DCUN1D4: variants seen among roughly 807,000 people sequenced by gnomAD.
The protein encoded by DCUN1D4 is DCN1-like protein 4.
In DCUN1D4, 22 loss-of-function variants were observed where a neutral mutation model predicts 47.9. The observed-to-expected ratio is 0.46, with a 90% CI of 0.33 to 0.66. The LOEUF is 0.66. Among genes scored for constraint, DCUN1D4 ranks in the 30% least tolerant of loss-of-function variants. The pLI, the probability that DCUN1D4 is intolerant of heterozygous loss-of-function variation, is 0.02. For synonymous variants in DCUN1D4, 121 were observed against 112.2 expected, an observed-to-expected ratio of 1.08 and a Z score of -0.50; for missense variants, 301 against 340.8, an observed-to-expected ratio of 0.88 and a Z score of 0.92.
chr4:51,852,403 G>A (rs1723506059), intron 1 of DCUN1D4, among the ~76,000 whole-genome samples: 1 of 152,124 alleles, frequency 6.6e-6, no homozygotes, highest in African/African-American at 2.4e-5. Context: ...TAACATTTTT[G>A]AAATTATTTT....
chr4:51,872,894 G>A (rs866644125), intron 3 of DCUN1D4, among the ~76,000 whole-genome samples: 2 of 152,242 alleles, frequency 1.3e-5, no homozygotes, highest in Non-Finnish European at 2.9e-5. Context: ...GCCTCCTTCC[G>A]TGATGCTGCT....
At chr4:51,843,684 C>G (rs1235994853) in intron 1 of DCUN1D4, 1 of 1,240,212 alleles carries the variant, frequency 8.1e-7, no homozygotes, top group East Asian at 3.2e-5. Flanking sequence ...GCGAGCGGGG[C>G]ACAAGGGTGA....
At chr4:51,857,686 A>G (rs1724359478) in intron 1 of DCUN1D4, among the ~76,000 whole-genome samples, 1 of 152,198 alleles carries the variant, frequency 6.6e-6, no homozygotes, top group South Asian at 2.1e-4. Context: ...TGTTTGAGGT[A>G]CAGATCCTTA....
At position 51,911,126 on chromosome 4, in the gene DCUN1D4, A is replaced by G. The variant is rs768780967; in HGVS notation, c.672A>G (p.Leu224=). 9 of 1,612,592 alleles carry G rather than the reference A, an allele frequency of 5.6e-6. No individual in the cohort carries two copies. In the East Asian group the frequency reaches 8.9e-5, roughly 16 times the overall value. ...CTGCCAAGTGCATGTTGGGACTGTT[A>G]TTAGGAAAAATCTGGCCCCTTTTTC... ...INTAKCMLGL[L]LGKIWPLFPV... The change falls in exon 9 of 11, where the codon TTA becomes TTG. Residue 224 remains leucine, a synonymous_variant. Transcript: ENST00000334635.
At chr4:51,856,837 G>GT (rs1341116832) in intron 1 of DCUN1D4, among the ~76,000 whole-genome samples, 1 of 152,184 alleles carries the variant, frequency 6.6e-6, no homozygotes, top group Non-Finnish European at 1.5e-5. Flanking sequence ...GATCATTGGT[G>GT]TTAAAAATAC....
intron 1 of DCUN1D4, among the ~76,000 whole-genome samples, chr4:51,856,267 T>C (rs1001187600): frequency 6.6e-6 from 1 of 152,220 alleles, no homozygotes; most frequent in Non-Finnish European, 1.5e-5. Context: ...CATAATACTG[T>C]TTAAAACTTT....
intron 5 of DCUN1D4, 55 bp downstream of exon 5, chr4:51,877,909 T>C: frequency 8.4e-7 from 1 of 1,191,966 alleles, no homozygotes; most frequent in Non-Finnish European, 1.2e-6. Flanking sequence ...AAGGAGTACC[T>C]TAGAGATGAT....
intron 3 of DCUN1D4, among the ~76,000 whole-genome samples, chr4:51,868,017 G>T (rs1208768895): frequency 6.6e-6 from 1 of 152,270 alleles, no homozygotes; most frequent in Non-Finnish European, 1.5e-5. Context: ...GTGGCAGGGG[G>T]CTGGTGTGTC....
At position 51,874,384 on chromosome 4, in the gene DCUN1D4, A is replaced by G. The variant is rs756629772; in HGVS notation, c.250A>G (p.Ser84Gly). The G allele has an allele frequency of 1.2e-6, 2 of 1,605,176 alleles. No homozygotes were observed. The highest frequency in any genetic ancestry group is 1.7e-6 in the Non-Finnish European group (2 of 1,172,612). The change falls in exon 4 of 11, where the codon AGC (serine) becomes GGC (glycine). Residue 84 changes from serine (S) to glycine (G), a missense_variant and splice_region_variant. Physicochemically the swap from Ser to Gly is moderately conservative, Grantham distance 56. This residue lies in a region of DCUN1D4 where 131 missense variants were observed against 106.3 expected (regional missense o/e 1.23). Coordinates refer to ENST00000334635, the MANE Select transcript of DCUN1D4 (RefSeq NM_001040402.3). ...DLSAKKSRHD[S>G]MYRKYDSTRI... ...ATCTGCCAAGAAAAGTAGACATGAT[A>G]GGTATGATGTAGAGACAGTAGATCA...
At chr4:51,845,466 CTTTT>C (rs756095106) in intron 1 of DCUN1D4, among the ~76,000 whole-genome samples, 7 of 152,150 alleles carry the variant, frequency 4.6e-5, no homozygotes, top group Non-Finnish European at 8.8e-5. Flanking sequence ...AACCATAAGA[CTTTT>C]TTTGTTTGCT....
At chr4:51,897,211 A>G (rs1731402944) in intron 7 of DCUN1D4, among the ~76,000 whole-genome samples, 1 of 152,190 alleles carries the variant, frequency 6.6e-6, no homozygotes, top group African/African-American at 2.4e-5. Flanking sequence ...AGGAAGAAAT[A>G]AGGGGCTTTC....
At chr4:51,871,895 ATGGGGTGTG>A (rs1726954294) in intron 3 of DCUN1D4, among the ~76,000 whole-genome samples, 2 of 152,112 alleles carry the variant, frequency 1.3e-5, no homozygotes, top group African/African-American at 4.8e-5. Flanking sequence ...GGGAAGATGA[ATGGGGTGTG>A]TGGGGTGGTG....
At chr4:51,904,199 G>A (rs1182592293) in intron 8 of DCUN1D4, among the ~76,000 whole-genome samples, 1 of 152,104 alleles carries the variant, frequency 6.6e-6, no homozygotes, top group Non-Finnish European at 1.5e-5. Flanking sequence ...AAGCAGTCTT[G>A]ATAGGGATGA....
chr4:51,868,546 T>C (rs1204689726), intron 3 of DCUN1D4, among the ~76,000 whole-genome samples: 1 of 152,236 alleles, frequency 6.6e-6, no homozygotes, highest in African/African-American at 2.4e-5. Context: ...CAGAGTATAC[T>C]TTAAAAACTG....
At chr4:51,839,798 G>A (rs937808101), upstream of DCUN1D4, among the ~76,000 whole-genome samples, 2 of 152,114 alleles carry the variant, frequency 1.3e-5, no homozygotes, top group Non-Finnish European at 2.9e-5. Context: ...CAAGAACTAT[G>A]CTATTCTTCC....
intron 3 of DCUN1D4, among the ~76,000 whole-genome samples, chr4:51,870,969 A>G (rs1726798580): frequency 6.6e-6 from 1 of 151,846 alleles, no homozygotes; most frequent in South Asian, 2.1e-4. Flanking sequence ...CCTTGCCTGG[A>G]TCTGAGTTTG....
chr4:51,870,348 T>C (rs896589710), intron 3 of DCUN1D4, among the ~76,000 whole-genome samples: 6 of 152,294 alleles, frequency 3.9e-5, no homozygotes, highest in Admixed American at 2.0e-4. Flanking sequence ...ATCACAGTTA[T>C]TTTAAGAAGC....
the DCUN1D4 span, among the ~76,000 whole-genome samples, chr4:51,834,091 CTTTTCTTCTTTCTTTTTT>C: frequency 3.5e-3 from 173 of 49,526 alleles, 10 homozygotes; most frequent in Non-Finnish European, 7.0e-4. Context: ...TCTCTCTTTT[CTTTTCTTCTTTCTTTTTT>C]TTTTCTTTTT....
chr4:51,867,064 G>C (rs1184248305), intron 3 of DCUN1D4, among the ~76,000 whole-genome samples: 1 of 152,256 alleles, frequency 6.6e-6, no homozygotes, highest in Non-Finnish European at 1.5e-5. Flanking sequence ...CACACAGCCA[G>C]GCATGCTGGC....
Sources: gnomAD v4.1 joint callset for allele counts (sites outside exome capture counted in the v4.1 genomes callset) on GRCh38, gnomAD v4.1.1 for gene constraint, gnomAD v4.1.1 regional missense constraint, MANE v1.5 for transcripts, NCBI Gene and HGNC (gene_info 2026-07-23, HGNC 2026-07-21) for gene names.